RASGRF2: variants seen among roughly 807,000 people sequenced by gnomAD.
RASGRF2 encodes ras-specific guanine nucleotide-releasing factor 2.
A neutral mutation model predicts 151.0 loss-of-function variants in RASGRF2; 76 were observed. That is an observed-to-expected ratio of 0.50 (90% CI 0.42 to 0.61). The LOEUF is 0.61. RASGRF2 is among the 20% of genes least tolerant of loss of function. RASGRF2 has a pLI of 0.00. For missense variants in RASGRF2, 1,148 were observed against 1,564.6 expected (o/e 0.73, Z 4.49); for synonymous variants, 504 against 566.5 (o/e 0.89, Z 1.57).
chr5:81,116,459 G>A (rs554271760), intron 15 of RASGRF2, among the ~76,000 whole-genome samples: 9 of 152,266 alleles, frequency 5.9e-5, no homozygotes, highest in Middle Eastern at 3.4e-3. Flanking sequence ...TTGACAGCAT[G>A]GGCAGCCCTG....
At chr5:81,038,567 C>CTT (rs56205345) in intron 1 of RASGRF2, among the ~76,000 whole-genome samples, 1,033 of 84,046 alleles carry the variant, frequency 0.012, 15 homozygotes, top group Non-Finnish European at 0.016. Context: ...TAAATATTTG[C>CTT]TTTTTTTTTT....
chr5:81,043,305 G>A (rs1750737287), intron 2 of RASGRF2, among the ~76,000 whole-genome samples: 1 of 151,994 alleles, frequency 6.6e-6, no homozygotes, highest in Admixed American at 6.5e-5. Flanking sequence ...GTCAACAATC[G>A]GCAAGAGGGG....
At chr5:81,093,018 G>A (rs1337737955) in intron 10 of RASGRF2, 57 bp downstream of exon 10, 3 of 1,479,100 alleles carry the variant, frequency 2.0e-6, no homozygotes, top group East Asian at 4.6e-5. Context: ...AGTTATTGAA[G>A]TTAACTCATT....
At chr5:80,961,064 A>G (rs1275657736) in intron 1 of RASGRF2, 38 bp downstream of exon 1, 2 of 1,411,968 alleles carry the variant, frequency 1.4e-6, no homozygotes, top group Admixed American at 2.8e-5. Flanking sequence ...CCCAGCCTTG[A>G]TCGCCGCACT....
At chr5:81,213,379 T>A (rs575198405) in intron 23 of RASGRF2, among the ~76,000 whole-genome samples, 64 of 152,136 alleles carry the variant, frequency 4.2e-4, no homozygotes, top group African/African-American at 1.5e-3. Context: ...TCAGGGGAAG[T>A]TTCCAGGCTC....
At chr5:81,179,026 C>T (rs761472510) in intron 17 of RASGRF2, among the ~76,000 whole-genome samples, 5 of 152,164 alleles carry the variant, frequency 3.3e-5, no homozygotes, top group African/African-American at 7.2e-5. Context: ...CATGAGCCAC[C>T]GTGCCCAGCC....
chr5:81,145,711 C>T (rs1285400634), intron 17 of RASGRF2, among the ~76,000 whole-genome samples: 3 of 152,182 alleles, frequency 2.0e-5, no homozygotes, highest in African/African-American at 4.8e-5. Context: ...AAGCAGACCC[C>T]GTAGCCCCAG....
rs201690058 is a variant in RASGRF2, at chr5:81,042,924, G to A, written c.336G>A (p.Glu112=). 30 of 1,613,174 alleles carry A rather than the reference G, an allele frequency of 1.9e-5. No individual in the cohort carries two copies. The Admixed American group carries it at 5.0e-4, about 27-fold the overall frequency. The change falls in exon 2 of 27, where the codon GAG becomes GAA. Residue 112 remains glutamate, a synonymous_variant. Transcript: ENST00000265080. ...LFGHEGQKPL[E]LRCEEEQDGK... ...GCCATGAAGGTCAGAAGCCACTGGAGCTGCGCTGTGAGGAGGAGCAGGATG... is the reference window on the plus strand; with the variant it reads ...GCCATGAAGGTCAGAAGCCACTGGAACTGCGCTGTGAGGAGGAGCAGGATG...
chr5:81,068,999 AAAG>A (rs1327391133), intron 3 of RASGRF2, among the ~76,000 whole-genome samples: 2 of 152,226 alleles, frequency 1.3e-5, no homozygotes, highest in Non-Finnish European at 2.9e-5. Flanking sequence ...TCTGAGATTC[AAAG>A]AAGGGAATAG....
chr5:81,165,992 G>A (rs1754497325), intron 17 of RASGRF2, among the ~76,000 whole-genome samples: 1 of 152,026 alleles, frequency 6.6e-6, no homozygotes, highest in South Asian at 2.1e-4. Flanking sequence ...ATATATCTCA[G>A]CATCATTGAA....
chr5:81,178,212 G>A (rs1459399670), intron 17 of RASGRF2, among the ~76,000 whole-genome samples: 1 of 152,196 alleles, frequency 6.6e-6, no homozygotes, highest in East Asian at 1.9e-4. Context: ...TGGTTTTGTA[G>A]ATGGGAAGAC....
chr5:80,987,121 C>T (rs1360671061), intron 1 of RASGRF2, among the ~76,000 whole-genome samples: 1 of 152,216 alleles, frequency 6.6e-6, no homozygotes, highest in Non-Finnish European at 1.5e-5. Context: ...GGGAAGTTTG[C>T]CACACCTTGC....
At position 81,209,071 on chromosome 5, in the gene RASGRF2, G is replaced by A. The variant is rs555920689; in HGVS notation, c.3156+633G>A. On this transcript the variant is annotated intron_variant, in intron 22 of 26. Coordinates refer to ENST00000265080, the MANE Select transcript of RASGRF2 (RefSeq NM_006909.3). The stretch of plus-strand genomic sequence containing the variant: ...GACTAACAGAGTGAGCAGTACATGT[G>A]TCACTGGCCCCTGGTGGTGTTGGTC... Among the ~76,000 whole-genome samples, 4 of 152,292 alleles carry A rather than the reference G, an allele frequency of 2.6e-5. No individual in the cohort carries two copies. In the South Asian group the frequency reaches 8.3e-4, roughly 32 times the overall value.
chr5:81,216,997 A>G (rs1363103883), intron 24 of RASGRF2: 2 of 459,532 alleles, frequency 4.4e-6, no homozygotes, highest in Admixed American at 2.4e-5. Context: ...TTAAAGAGGT[A>G]AGACCATAGA....
chr5:81,029,160 C>T (rs556598851), intron 1 of RASGRF2, among the ~76,000 whole-genome samples: 1 of 152,180 alleles, frequency 6.6e-6, no homozygotes, highest in African/African-American at 2.4e-5. Context: ...GAAGCTCTAA[C>T]TGGGTGGAGC....
intron 18 of RASGRF2, among the ~76,000 whole-genome samples, chr5:81,199,714 A>G (rs1195154709): frequency 6.6e-6 from 1 of 152,032 alleles, no homozygotes; most frequent in Non-Finnish European, 1.5e-5. Flanking sequence ...CCTGGCCAAC[A>G]TGGTGAAACC....
At chr5:81,190,187 T>C (rs1408871371) in intron 18 of RASGRF2, among the ~76,000 whole-genome samples, 2 of 152,214 alleles carry the variant, frequency 1.3e-5, no homozygotes, top group Non-Finnish European at 2.9e-5. Context: ...AAATAGAGAA[T>C]GCTCCGTTTA....
intron 17 of RASGRF2, among the ~76,000 whole-genome samples, chr5:81,161,486 T>A (rs1754382841): frequency 6.6e-6 from 1 of 152,212 alleles, no homozygotes; most frequent in African/African-American, 2.4e-5. Flanking sequence ...TCTGGGCTGA[T>A]GATGGAGAAT....
intron 19 of RASGRF2, among the ~76,000 whole-genome samples, chr5:81,205,824 C>T (rs1755492906): frequency 6.6e-6 from 1 of 152,158 alleles, no homozygotes; most frequent in Non-Finnish European, 1.5e-5. Flanking sequence ...TATCTCGGCT[C>T]ACTGCAAGCT....
Sources: gnomAD v4.1 joint callset for allele counts (sites outside exome capture counted in the v4.1 genomes callset) on GRCh38, gnomAD v4.1.1 for gene constraint, MANE v1.5 for transcripts, NCBI Gene and HGNC (gene_info 2026-07-23, HGNC 2026-07-21) for gene names.